The following DHX35 variants were observed in gnomAD, a reference collection of about 807,000 sequenced individuals.
The protein encoded by DHX35 is probable ATP-dependent RNA helicase DHX35.
DHX35 carries 84 observed loss-of-function variants against 99.6 expected under a neutral mutation model. The observed-to-expected ratio is 0.84, with a 90% confidence interval of 0.71 to 1.01. DHX35 has a LOEUF of 1.01. Among genes scored for constraint, DHX35 ranks in the 50% least tolerant of loss-of-function variants. The pLI, the probability that DHX35 is intolerant of heterozygous loss-of-function variation, is 0.00. For missense variants in DHX35, 852 were observed against 888.5 expected, an observed-to-expected ratio of 0.96 and a Z score of 0.52; for synonymous variants, 331 against 316.2, an observed-to-expected ratio of 1.05 and a Z score of -0.50.
chr20:38,988,659 T>G, intron 4 of DHX35, 154 bp from the exon 5 acceptor site: 2 of 1,084,402 alleles, frequency 1.8e-6, no homozygotes, highest in Non-Finnish European at 2.5e-6. Flanking sequence ...ATTGCAAAAG[T>G]TATTATGCTT....
intron 17 of DHX35, 41 bp downstream of exon 17, chr20:39,023,808 A>G (rs903253002): frequency 6.6e-7 from 1 of 1,519,204 alleles, no homozygotes; most frequent in African/African-American, 1.4e-5. Flanking sequence ...TCAACACACC[A>G]CCCTCTGGAG....
Position 39,003,801 on chromosome 20 carries a change from C to A in DHX35, c.905C>A (p.Ala302Asp). The A allele has an allele frequency of 1.2e-6, 2 of 1,614,190 alleles. No homozygotes were observed. Among genetic ancestry groups the A allele is most frequent in the Non-Finnish European group, 1.7e-6 (2 of 1,180,042 alleles). ...CTCATCGAGCAGGCTCGAGCACTAG[C>A]TCGCACTGGGATGAAGAGACACCTC... ...SMLIEQARAL[A>D]RTGMKRHLRV... The change falls in exon 11 of 22, where the codon GCT becomes GAT. Residue 302 changes from alanine to aspartate, a missense_variant. Coordinates refer to ENST00000252011, the MANE Select transcript of DHX35 (RefSeq NM_021931.4).
chr20:38,962,509 C>A, intron 1 of DHX35, 102 bp downstream of exon 1: 1 of 1,421,750 alleles, frequency 7.0e-7, no homozygotes, highest in Non-Finnish European at 9.6e-7. Flanking sequence ...GCAGGCCTGA[C>A]CTCGGCGAGC....
chr20:39,022,067 T>G (rs914284254), intron 16 of DHX35, 132 bp downstream of exon 16: 2 of 799,336 alleles, frequency 2.5e-6, no homozygotes, highest in Non-Finnish European at 4.0e-6. Flanking sequence ...TGAGTGTTTA[T>G]TCCGTGCTTG....
At chr20:39,022,784 A>G (rs928007017) in intron 16 of DHX35, among the ~76,000 whole-genome samples, 4 of 152,230 alleles carry the variant, frequency 2.6e-5, no homozygotes, top group African/African-American at 7.2e-5. Flanking sequence ...GCAATGACTA[A>G]TTGAGTGAAC....
At chr20:38,998,900 G>C (rs1213312306) in intron 8 of DHX35, among the ~76,000 whole-genome samples, 1 of 152,048 alleles carries the variant, frequency 6.6e-6, no homozygotes, top group East Asian at 1.9e-4. Flanking sequence ...AGGTTCAAAC[G>C]ATTCTCCTGC....
intron 17 of DHX35, 24 bp from the exon 18 acceptor site, chr20:39,025,206 C>G (rs2086935710): frequency 6.3e-7 from 1 of 1,594,282 alleles, no homozygotes; most frequent in South Asian, 1.1e-5. Flanking sequence ...TTTTCTAACT[C>G]CCTCTCTCTG....
At chr20:38,962,557 C>G (rs1180342398) in intron 1 of DHX35, 150 bp downstream of exon 1, 8 of 893,374 alleles carry the variant, frequency 9.0e-6, no homozygotes, top group South Asian at 6.6e-5. Context: ...AGCTCTGGCT[C>G]AGGCTCCCCA....
At position 38,988,809 on chromosome 20, in the gene DHX35, A is replaced by G. The variant is rs765992632; in HGVS notation, c.346-4A>G. The G allele has an allele frequency of 6.2e-7, 1 of 1,613,478 alleles. No homozygotes were observed. The highest frequency in any genetic ancestry group is 1.1e-5 in the South Asian group (1 of 91,080). ...TATTTTCAGCATGATCTTTCTTCCCAAAGGTTGCAGGGAGAGTAGCTGAAG... is the reference window on the plus strand; with the variant it reads ...TATTTTCAGCATGATCTTTCTTCCCGAAGGTTGCAGGGAGAGTAGCTGAAG... On this transcript the variant is annotated splice_polypyrimidine_tract_variant and splice_region_variant and intron_variant, in intron 4 of 21. Coordinates refer to ENST00000252011, the MANE Select transcript of DHX35 (RefSeq NM_021931.4).
intron 10 of DHX35, among the ~76,000 whole-genome samples, 161 bp downstream of exon 10, chr20:39,003,029 T>G (rs976102350): frequency 6.6e-6 from 1 of 152,256 alleles, no homozygotes; most frequent in African/African-American, 2.4e-5. Context: ...ATCTACCATC[T>G]AGATTGTCAG....
intron 14 of DHX35, among the ~76,000 whole-genome samples, chr20:39,015,480 G>T (rs1038844014): frequency 4.0e-5 from 6 of 151,406 alleles, no homozygotes; most frequent in Non-Finnish European, 2.9e-5. Context: ...GGCAAAACCC[G>T]CAATTGCTTT....
intron 1 of DHX35, among the ~76,000 whole-genome samples, chr20:38,963,455 T>C (rs961961160): frequency 2.6e-5 from 4 of 152,244 alleles, no homozygotes; most frequent in African/African-American, 9.6e-5. Context: ...TTAATGCTTT[T>C]TAAAAATTTG....
chr20:38,981,461 T>C (rs562837878), intron 3 of DHX35, among the ~76,000 whole-genome samples: 2 of 152,344 alleles, frequency 1.3e-5, no homozygotes, highest in African/African-American at 4.8e-5. Context: ...TCATTATTTA[T>C]TGTGTTGCTC....
At chr20:39,002,072 C>G (rs2086529937) in intron 9 of DHX35, among the ~76,000 whole-genome samples, 1 of 152,170 alleles carries the variant, frequency 6.6e-6, no homozygotes, top group African/African-American at 2.4e-5. Flanking sequence ...GTAGCTCAGC[C>G]AGAGAGAGCA....
intron 14 of DHX35, 30 bp from the exon 15 acceptor site, chr20:39,018,774 T>A: frequency 6.2e-7 from 1 of 1,605,044 alleles, no homozygotes. Context: ...GGTACCTGCC[T>A]TCTGATTTCT....
At chr20:39,020,687 C>G (rs375717339) in intron 15 of DHX35, among the ~76,000 whole-genome samples, 1 of 92,768 alleles carries the variant, frequency 1.1e-5, no homozygotes, top group African/African-American at 4.7e-5. Context: ...GAGACAGTGT[C>G]TCACTCTGTC....
At chr20:39,026,213 T>G (rs1417579927) in intron 18 of DHX35, among the ~76,000 whole-genome samples, 2 of 152,230 alleles carry the variant, frequency 1.3e-5, no homozygotes, top group East Asian at 1.9e-4. Context: ...TTTATTAATT[T>G]AATGCTCACA....
At chr20:38,982,120 C>T (rs2086183960) in intron 3 of DHX35, among the ~76,000 whole-genome samples, 2 of 152,072 alleles carry the variant, frequency 1.3e-5, no homozygotes. Flanking sequence ...TTTTAAACAC[C>T]ATGAGTTTAT....
intron 4 of DHX35, among the ~76,000 whole-genome samples, chr20:38,988,284 G>A (rs1190403087): frequency 6.6e-6 from 1 of 152,038 alleles, no homozygotes; most frequent in Non-Finnish European, 1.5e-5. Context: ...TTTTCATTGT[G>A]TATGTTCTTA....
Sources: gnomAD v4.1 joint callset for allele counts (sites outside exome capture counted in the v4.1 genomes callset) on GRCh38, gnomAD v4.1.1 for gene constraint, MANE v1.5 for transcripts, NCBI Gene and HGNC (gene_info 2026-07-23, HGNC 2026-07-21) for gene names.